The following MCC variants were observed in gnomAD, a reference collection of about 807,000 sequenced individuals.
MCC encodes the protein MCC regulator of Wnt signaling pathway.
A neutral mutation model predicts 116.2 loss-of-function variants in MCC; 90 were observed. That is an observed-to-expected ratio of 0.77 (90% confidence interval 0.65 to 0.92). The LOEUF is 0.92. Among genes scored for constraint, MCC ranks in the 40% least tolerant of loss-of-function variants. MCC has a pLI of 0.00. For missense variants in MCC, 1,516 were observed against 1,312.2 expected (o/e 1.16, Z -2.40); for synonymous variants, 578 against 510.5 (o/e 1.13, Z -1.78).
At chr5:113,069,511 T>C (rs1753875712) in intron 12 of MCC, among the ~76,000 whole-genome samples, 1 of 152,266 alleles carries the variant, frequency 6.6e-6, no homozygotes, top group Non-Finnish European at 1.5e-5. Flanking sequence ...TCTAGCTTCT[T>C]CAAGCTGAAC....
chr5:113,298,154 A>C (rs1766760207), intron 3 of MCC, among the ~76,000 whole-genome samples: 1 of 152,248 alleles, frequency 6.6e-6, no homozygotes, highest in Admixed American at 6.5e-5. Flanking sequence ...AAGTGGTCTA[A>C]GGATACTACC....
At chr5:113,420,740 T>A (rs1344746580) in intron 1 of MCC, among the ~76,000 whole-genome samples, 1 of 152,176 alleles carries the variant, frequency 6.6e-6, no homozygotes, top group Non-Finnish European at 1.5e-5. Context: ...CCATTAAGCC[T>A]ATTAACCCAG....
Position 113,459,133 on chromosome 5 carries a change from A to ATGTGTGTGTGTG in MCC, c.170+29100_170+29111dup, listed in dbSNP as rs542497591. Among the ~76,000 whole-genome samples, 521 of 68,336 alleles carry ATGTGTGTGTGTG rather than the reference A, an allele frequency of 7.6e-3. 1 individual carries two copies. Among genetic ancestry groups the ATGTGTGTGTGTG allele is most frequent in the East Asian group, 0.011 (21 of 1,970 alleles). The allele number at this position is 68,336 out of a possible 152,430, so 44.8% of individuals were successfully genotyped here. The stretch of plus-strand genomic sequence containing the variant: ...GAGGTCTCTGGGGAGGAGTAAGGAT[A>ATGTGTGTGTGTG]TGTGTGTGTGTGTGTGTGTGTGTGT... On this transcript the variant is annotated intron_variant, in intron 1 of 18. Coordinates refer to ENST00000408903, the MANE Select transcript of MCC (RefSeq NM_001085377.2).
intron 1 of MCC, among the ~76,000 whole-genome samples, chr5:113,424,176 C>G (rs1235157717): frequency 6.6e-6 from 1 of 150,898 alleles, no homozygotes; most frequent in Non-Finnish European, 1.5e-5. Context: ...CACACACACA[C>G]ACACACACAT....
At chr5:113,480,450 G>C (rs1287242958) in intron 1 of MCC, among the ~76,000 whole-genome samples, 4 of 152,330 alleles carry the variant, frequency 2.6e-5, no homozygotes, top group African/African-American at 9.6e-5. Flanking sequence ...TATTGGCCTT[G>C]TGCCAACACA....
chr5:113,186,140 T>C (rs1761885541), intron 3 of MCC, among the ~76,000 whole-genome samples: 2 of 152,180 alleles, frequency 1.3e-5, no homozygotes, highest in Non-Finnish European at 2.9e-5. Flanking sequence ...AACATGCCTG[T>C]GCGGCAATGG....
At chr5:113,100,549 G>C (rs531173790) in intron 8 of MCC, among the ~76,000 whole-genome samples, 18 of 128,286 alleles carry the variant, frequency 1.4e-4, no homozygotes, top group South Asian at 7.4e-4. Flanking sequence ...TTGGCCCACT[G>C]CAACCCCCGC....
chr5:113,099,171 T>C (rs916489631), intron 8 of MCC, among the ~76,000 whole-genome samples: 1 of 152,226 alleles, frequency 6.6e-6, no homozygotes, highest in Non-Finnish European at 1.5e-5. Context: ...TCATGGTATG[T>C]ATATAAATTC....
chr5:113,268,913 CG>C (rs1280716812), intron 3 of MCC, among the ~76,000 whole-genome samples: 1 of 152,000 alleles, frequency 6.6e-6, no homozygotes, highest in East Asian at 1.9e-4. Flanking sequence ...GCAGGACACA[CG>C]ACAGGAATAT....
intron 4 of MCC, among the ~76,000 whole-genome samples, chr5:113,144,553 T>C (rs1290793523): frequency 1.3e-5 from 2 of 152,168 alleles, no homozygotes; most frequent in East Asian, 3.8e-4. Flanking sequence ...AAGCTTCCAA[T>C]GGCATAACCC....
chr5:113,113,795 C>A (rs2150263711), intron 6 of MCC, among the ~76,000 whole-genome samples: 1 of 152,110 alleles, frequency 6.6e-6, no homozygotes, highest in Non-Finnish European at 1.5e-5. Context: ...GACAAAACAG[C>A]AGGAGGGAGG....
chr5:113,064,888 T>C (rs1319045461), intron 13 of MCC, among the ~76,000 whole-genome samples: 3 of 152,120 alleles, frequency 2.0e-5, no homozygotes, highest in Non-Finnish European at 2.9e-5. Context: ...GACAGAACTA[T>C]AGAGATATTG....
intron 11 of MCC, among the ~76,000 whole-genome samples, chr5:113,076,034 C>T (rs1015202543): frequency 1.2e-4 from 19 of 152,288 alleles, no homozygotes; most frequent in African/African-American, 4.1e-4. Flanking sequence ...CACGTCTGAA[C>T]ATCAGAAGGA....
At chr5:113,159,223 T>C (rs556595468) in intron 3 of MCC, among the ~76,000 whole-genome samples, 64 of 152,316 alleles carry the variant, frequency 4.2e-4, no homozygotes, top group African/African-American at 1.3e-3. Flanking sequence ...TGTAACATGC[T>C]TGCCTGGCAT....
At chr5:113,095,749 A>G (rs1561805408) in intron 8 of MCC, among the ~76,000 whole-genome samples, 1 of 151,922 alleles carries the variant, frequency 6.6e-6, no homozygotes, top group Non-Finnish European at 1.5e-5. Flanking sequence ...CAGGCTGGTG[A>G]TTTAGGCTTT....
At chr5:113,103,167 G>A (rs984430943) in intron 7 of MCC, among the ~76,000 whole-genome samples, 10 of 151,708 alleles carry the variant, frequency 6.6e-5, no homozygotes, top group Non-Finnish European at 7.4e-5. Context: ...GAAACAGAAC[G>A]CCTCCAATAC....
chr5:113,224,490 C>T (rs1188653182), intron 3 of MCC, among the ~76,000 whole-genome samples: 1 of 152,168 alleles, frequency 6.6e-6, no homozygotes, highest in African/African-American at 2.4e-5. Flanking sequence ...CGCCTGTTTT[C>T]CTCACAGGAA....
At chr5:113,040,500 G>A (rs1388589468) in intron 17 of MCC, among the ~76,000 whole-genome samples, 1 of 152,132 alleles carries the variant, frequency 6.6e-6, no homozygotes, top group Non-Finnish European at 1.5e-5. Flanking sequence ...TGCTGAAAAT[G>A]CTGGTAAGAT....
At chr5:113,363,405 G>C (rs1021954439) in intron 2 of MCC, among the ~76,000 whole-genome samples, 9 of 152,182 alleles carry the variant, frequency 5.9e-5, no homozygotes, top group African/African-American at 2.2e-4. Context: ...TTGGCTTCTG[G>C]GGAGGCCTCA....
Sources: gnomAD v4.1 joint callset for allele counts (sites outside exome capture counted in the v4.1 genomes callset) on GRCh38, gnomAD v4.1.1 for gene constraint, MANE v1.5 for transcripts, NCBI Gene and HGNC (gene_info 2026-07-23, HGNC 2026-07-21) for gene names.